Variants in KLHL1 observed in about 807,000 individuals in gnomAD.
KLHL1 encodes the protein kelch like family member 1, also known as kelch-like protein 1.
KLHL1 carries 47 observed loss-of-function variants against 77.7 expected under a neutral mutation model. That is an observed-to-expected ratio of 0.60 (90% CI 0.48 to 0.77). The LOEUF is 0.77. Among genes scored for constraint, KLHL1 ranks in the 30% least tolerant of loss-of-function variants. KLHL1 has a pLI of 0.00. For synonymous variants in KLHL1, 360 were observed against 325.2 expected (o/e 1.11, Z -1.15); for missense variants, 925 against 910.8 (o/e 1.02, Z -0.20).
chr13:69,912,694 A>G (rs539074766), intron 4 of KLHL1, among the ~76,000 whole-genome samples: 194 of 152,230 alleles, frequency 1.3e-3, no homozygotes, highest in African/African-American at 4.3e-3. Flanking sequence ...TCCCAGCTCC[A>G]TTAGGCCAAG....
chr13:69,957,494 A>T (rs1356404637), intron 3 of KLHL1, among the ~76,000 whole-genome samples: 1 of 151,784 alleles, frequency 6.6e-6, no homozygotes, highest in Admixed American at 6.6e-5. Flanking sequence ...TACAACGAGG[A>T]TAGCACATCC....
At chr13:69,874,871 TA>T (rs1417257582) in intron 5 of KLHL1, among the ~76,000 whole-genome samples, 1 of 152,070 alleles carries the variant, frequency 6.6e-6, no homozygotes, top group Non-Finnish European at 1.5e-5. Flanking sequence ...AGGATAGGGA[TA>T]TTAAGGTTTT....
chr13:69,975,561 C>T (rs1299942689), intron 2 of KLHL1, 59 bp downstream of exon 2: 5 of 1,424,238 alleles, frequency 3.5e-6, no homozygotes, highest in Non-Finnish European at 4.8e-6. Context: ...AATCTGCATG[C>T]CAGTCTGGCA....
intron 9 of KLHL1, among the ~76,000 whole-genome samples, chr13:69,712,344 C>T (rs7991505): frequency 0.042 from 6,301 of 151,586 alleles, 204 homozygotes; most frequent in African/African-American, 0.087. Context: ...TAAAATCCAG[C>T]GTGAGTTGAT....
intron 1 of KLHL1, among the ~76,000 whole-genome samples, chr13:69,987,098 C>G (rs2137307534): frequency 6.6e-6 from 1 of 151,696 alleles, no homozygotes; most frequent in African/African-American, 2.4e-5. Context: ...TCTAAAATAC[C>G]ATTTCCTTTA....
intron 7 of KLHL1, among the ~76,000 whole-genome samples, chr13:69,765,289 C>G (rs1325149363): frequency 6.6e-6 from 1 of 151,844 alleles, no homozygotes; most frequent in Non-Finnish European, 1.5e-5. Flanking sequence ...AATCTTAGTT[C>G]ATTAATACAT....
chr13:69,950,381 T>C (rs1883669129), intron 3 of KLHL1, among the ~76,000 whole-genome samples: 1 of 151,582 alleles, frequency 6.6e-6, no homozygotes, highest in Non-Finnish European at 1.5e-5. Context: ...TTGACTCACA[T>C]CGATGCACAG....
chr13:69,785,406 C>T (rs1454518632), intron 7 of KLHL1, among the ~76,000 whole-genome samples: 1 of 152,150 alleles, frequency 6.6e-6, no homozygotes, highest in East Asian at 1.9e-4. Context: ...TCAATGACTA[C>T]TGGGTACATA....
intron 1 of KLHL1, among the ~76,000 whole-genome samples, chr13:70,036,835 C>CTTTTTTTTTTTTTTTTT (rs5804467): frequency 9.9e-5 from 5 of 50,694 alleles, no homozygotes; most frequent in Non-Finnish European, 1.5e-4. Flanking sequence ...ATGCCATGGT[C>CTTTTTTTTTTTTTTTTT]TTTTTTTTTT....
Position 69,855,018 on chromosome 13 carries a change from G to A in KLHL1, c.1228-15856C>T, listed in dbSNP as rs531468548. Among the ~76,000 whole-genome samples, 11 of 151,904 alleles carry A rather than the reference G, an allele frequency of 7.2e-5. No homozygotes were observed. The East Asian group carries it at 1.8e-3, about 24-fold the overall frequency. On this transcript the variant is annotated intron_variant, in intron 5 of 10. Coordinates refer to ENST00000377844, the MANE Select transcript of KLHL1 (RefSeq NM_020866.3). ...ATTTGTACTCATAAATATATGTATA[G>A]GAATATATGTATTACATATAGGAAT...
intron 1 of KLHL1, among the ~76,000 whole-genome samples, chr13:69,979,829 T>A (rs1306639707): frequency 6.6e-6 from 1 of 152,212 alleles, no homozygotes; most frequent in Non-Finnish European, 1.5e-5. Flanking sequence ...ATAAAATGAA[T>A]AAAATTGTTT....
chr13:69,838,897 TAG>T, intron 6 of KLHL1, 77 bp downstream of exon 6: 1 of 864,270 alleles, frequency 1.2e-6, no homozygotes, highest in Admixed American at 3.4e-5. Flanking sequence ...TCATTTTTTG[TAG>T]TATCACCATT....
chr13:69,908,085 T>A (rs1305865169), intron 4 of KLHL1, among the ~76,000 whole-genome samples: 1 of 151,962 alleles, frequency 6.6e-6, no homozygotes, highest in African/African-American at 2.4e-5. Flanking sequence ...ATACAGAGAT[T>A]GAGATAGAGG....
chr13:69,759,532 T>C (rs1386574528), intron 7 of KLHL1, among the ~76,000 whole-genome samples: 1 of 152,156 alleles, frequency 6.6e-6, no homozygotes, highest in African/African-American at 2.4e-5. Flanking sequence ...CACATAGAAA[T>C]ATTACATATA....
intron 4 of KLHL1, among the ~76,000 whole-genome samples, chr13:69,908,805 C>T (rs1882132252): frequency 6.6e-6 from 1 of 151,040 alleles, no homozygotes; most frequent in South Asian, 2.1e-4. Context: ...ATCAATATTT[C>T]CTTGGACTTC....
At chr13:69,735,370 C>T (rs966182861) in intron 8 of KLHL1, among the ~76,000 whole-genome samples, 1 of 150,724 alleles carries the variant, frequency 6.6e-6, no homozygotes, top group Non-Finnish European at 1.5e-5. Flanking sequence ...AAAATATAAA[C>T]AACACAATAA....
intron 1 of KLHL1, among the ~76,000 whole-genome samples, chr13:70,057,326 A>G (rs1409674256): frequency 1.3e-5 from 2 of 152,096 alleles, no homozygotes; most frequent in Non-Finnish European, 2.9e-5. Context: ...AGAACCTTAT[A>G]GCTTCACTGC....
chr13:69,915,036 A>G (rs915159040), intron 4 of KLHL1, among the ~76,000 whole-genome samples: 6 of 152,180 alleles, frequency 3.9e-5, no homozygotes, highest in African/African-American at 4.8e-5. Flanking sequence ...GCAGGGACTT[A>G]TGGTACTGCT....
At chr13:69,948,814 A>G (rs186153754) in intron 3 of KLHL1, among the ~76,000 whole-genome samples, 2 of 152,072 alleles carry the variant, frequency 1.3e-5, no homozygotes, top group East Asian at 1.9e-4. Flanking sequence ...TTGAAAATGT[A>G]TATTTCCAAA....
Sources: gnomAD v4.1 joint callset for allele counts (sites outside exome capture counted in the v4.1 genomes callset) on GRCh38, gnomAD v4.1.1 for gene constraint, MANE v1.5 for transcripts, NCBI Gene and HGNC (gene_info 2026-07-23, HGNC 2026-07-21) for gene names.